The following SYNPO variants were observed in gnomAD, a reference collection of about 807,000 sequenced individuals.
SYNPO encodes the protein synaptopodin.
Under a neutral mutation model 49.5 loss-of-function variants are expected in SYNPO, and 19 were observed. The ratio of observed to expected loss-of-function variants is 0.38; its 90% CI spans 0.27 to 0.56. The LOEUF (loss-of-function observed/expected upper bound fraction) is 0.56. SYNPO is among the 20% of genes least tolerant of loss of function. The pLI, the probability that SYNPO is intolerant of heterozygous loss-of-function variation, is 0.68. For synonymous variants in SYNPO, 536 were observed against 548.0 expected (o/e 0.98, Z 0.31); for missense variants, 1,131 against 1,248.3 (o/e 0.91, Z 1.42).
chr5:150,635,056 G>C (rs984697434), intron 2 of SYNPO, among the ~76,000 whole-genome samples: 1 of 152,214 alleles, frequency 6.6e-6, no homozygotes, highest in Non-Finnish European at 1.5e-5. Flanking sequence ...TGCCCTCAAG[G>C]CAAGAGTTGT....
intron 2 of SYNPO, among the ~76,000 whole-genome samples, chr5:150,630,277 G>A (rs933277743): frequency 4.6e-5 from 7 of 152,148 alleles, no homozygotes; most frequent in Non-Finnish European, 8.8e-5. Context: ...CTGGCACACC[G>A]CCACCATTGT....
rs373440073 is a variant in SYNPO, at chr5:150,649,585, G to A, written c.1310G>A (p.Arg437His). 9.3e-6 allele frequency: 15 copies of A among 1,610,154 alleles called. No individual in the cohort carries two copies. Among genetic ancestry groups the A allele is most frequent in the African/African-American group, 8.0e-5 (6 of 74,832 alleles). ...AACTTCCAGCAGGAGCCAGCACCTC[G>A]TGACAGGGCCAGCCCCGCGGCGGCG... is the stretch of plus-strand genomic sequence containing the variant. ...ASNFQQEPAP[R>H]DRASPAAAEE... The change falls in exon 2 of 3, where the codon CGT (arginine) becomes CAT (histidine). Residue 437 changes from arginine to histidine, a missense_variant. Coordinates refer to ENST00000307662, the MANE Select transcript of SYNPO (RefSeq NM_007286.6).
At chr5:150,633,770 G>A (rs1757616811) in intron 2 of SYNPO, among the ~76,000 whole-genome samples, 3 of 152,298 alleles carry the variant, frequency 2.0e-5, no homozygotes, top group South Asian at 4.1e-4. Flanking sequence ...GATGAAAAGT[G>A]CTAGGAAAAC....
upstream of SYNPO, among the ~76,000 whole-genome samples, chr5:150,597,822 G>C (rs1428463571): frequency 1.3e-5 from 2 of 152,070 alleles, no homozygotes; most frequent in African/African-American, 2.4e-5. Flanking sequence ...ATTTTTAGTA[G>C]AGACAGGGTT....
chr5:150,616,180 A>G (rs928186045), intron 1 of SYNPO, among the ~76,000 whole-genome samples: 2 of 152,182 alleles, frequency 1.3e-5, no homozygotes, highest in Non-Finnish European at 2.9e-5. Context: ...CTCCTGGCAC[A>G]GTCCCAGCCA....
chr5:150,612,115 C>T (rs548372286), intron 1 of SYNPO, among the ~76,000 whole-genome samples: 7 of 152,276 alleles, frequency 4.6e-5, no homozygotes, highest in South Asian at 2.1e-4. Context: ...AGGTCAGGTT[C>T]GCAAGGACAA....
At chr5:150,644,922 CTG>C (rs891979095) in intron 1 of SYNPO, among the ~76,000 whole-genome samples, 3 of 152,162 alleles carry the variant, frequency 2.0e-5, no homozygotes, top group Non-Finnish European at 2.9e-5. Context: ...GTGGGATAGG[CTG>C]TGTGCTTTCA....
rs187862294 is a variant in SYNPO, at chr5:150,606,531, G to A, written c.-266+5343G>A. Among the ~76,000 whole-genome samples, 18 of 152,346 alleles carry A rather than the reference G, an allele frequency of 1.2e-4. No individual in the cohort carries two copies. In the East Asian group the frequency reaches 3.5e-3, roughly 29 times the overall value. On this transcript the variant is annotated intron_variant, in intron 1 of 2. Coordinates refer to the SYNPO transcript ENST00000394243. ...AGGCTGCCTGTGTGCAGAGCCGGCT[G>A]CCGAACCATGCTGCCACACTGTCCC...
chr5:150,616,969 A>T (rs1756998668), intron 1 of SYNPO, among the ~76,000 whole-genome samples: 1 of 152,112 alleles, frequency 6.6e-6, no homozygotes, highest in Non-Finnish European at 1.5e-5. Context: ...ACCACATTTT[A>T]AGGCTTCTTT....
chr5:150,589,345 A>C, the SYNPO span, among the ~76,000 whole-genome samples: 3 of 152,218 alleles, frequency 2.0e-5, no homozygotes, highest in African/African-American at 4.8e-5. Flanking sequence ...ATTACAGGCA[A>C]GAACCACCAC....
chr5:150,598,116 A>G (rs1756456821), upstream of SYNPO, among the ~76,000 whole-genome samples: 1 of 152,148 alleles, frequency 6.6e-6, no homozygotes, highest in East Asian at 1.9e-4. Context: ...GGTCACGGGT[A>G]GGGCTCGCCA....
At chr5:150,590,521 C>G in the SYNPO span, among the ~76,000 whole-genome samples, 1 of 152,216 alleles carries the variant, frequency 6.6e-6, no homozygotes, top group African/African-American at 2.4e-5. Flanking sequence ...TGGCAGGCAG[C>G]CTTTGTCTCT....
At chr5:150,625,547 G>T (rs1023084006) in intron 2 of SYNPO, among the ~76,000 whole-genome samples, 2 of 152,192 alleles carry the variant, frequency 1.3e-5, no homozygotes, top group Non-Finnish European at 2.9e-5. Context: ...ACAGGGAGAG[G>T]GGAAACTGTC....
intron 1 of SYNPO, chr5:150,608,642 T>C (rs983111471): frequency 2.0e-5 from 3 of 152,184 alleles, no homozygotes; most frequent in African/African-American, 7.2e-5. Context: ...CCCTGTATGA[T>C]CTCTGGGCAT....
the SYNPO span, among the ~76,000 whole-genome samples, chr5:150,592,175 G>C: frequency 6.6e-6 from 1 of 151,618 alleles, no homozygotes; most frequent in African/African-American, 2.4e-5. Context: ...GAAAAGAAAA[G>C]AAAAAGAAGA....
chr5:150,618,547 G>T (rs758157042), exon 2 of SYNPO: 2 of 1,550,626 alleles, frequency 1.3e-6, no homozygotes, highest in South Asian at 2.4e-5. Flanking sequence ...AGGATGAGGG[G>T]GTCAGCAGGA....
At chr5:150,620,630 A>T (rs973102734) in intron 2 of SYNPO, among the ~76,000 whole-genome samples, 2 of 152,238 alleles carry the variant, frequency 1.3e-5, no homozygotes, top group Admixed American at 6.5e-5. Context: ...GAGCCCATGG[A>T]TGGAGAGGAC....
Position 150,650,259 on chromosome 5 carries a change from C to T in SYNPO, c.1984C>T (p.Pro662Ser), listed in dbSNP as rs1220373710. The change falls in exon 2 of 3, where the codon CCC (proline) becomes TCC (serine). Residue 662 changes from proline to serine, a missense_variant. Pro to Ser is a moderately conservative substitution (Grantham distance 74). Coordinates refer to ENST00000307662, the MANE Select transcript of SYNPO (RefSeq NM_007286.6). ...RAWSPRAKQAPRPSFSTRNAG... is the reference protein window; with the variant it reads ...RAWSPRAKQASRPSFSTRNAG... ...GTGGTCTCCCCGAGCCAAGCAGGCC[C>T]CCAGGCCCTCCTTCTCTACCCGGAA... is the stretch of plus-strand genomic sequence containing the variant. 1 of 1,614,120 alleles carries T rather than the reference C, an allele frequency of 6.2e-7. No homozygotes were observed. Among genetic ancestry groups the T allele is most frequent in the South Asian group, 1.1e-5 (1 of 91,086 alleles).
chr5:150,650,406 G>A, intron 2 of SYNPO, 103 bp downstream of exon 2: 1 of 1,569,098 alleles, frequency 6.4e-7, no homozygotes, highest in African/African-American at 1.4e-5. Flanking sequence ...GATGTGGCAG[G>A]AAATGGCACA....
Sources: gnomAD v4.1 joint callset for allele counts (sites outside exome capture counted in the v4.1 genomes callset) on GRCh38, gnomAD v4.1.1 for gene constraint, MANE v1.5 for transcripts, NCBI Gene and HGNC (gene_info 2026-07-23, HGNC 2026-07-21) for gene names.